Variants in DNAH5 observed in about 807,000 individuals in gnomAD.
The protein encoded by DNAH5 is dynein axonemal heavy chain 5.
DNAH5 carries 372 observed loss-of-function variants against 518.2 expected under a neutral mutation model. The ratio of observed to expected loss-of-function variants is 0.72; its 90% CI spans 0.66 to 0.78. The LOEUF (loss-of-function observed/expected upper bound fraction) is 0.78. Ranked by LOEUF, DNAH5 falls within the 30% of genes least tolerant of loss-of-function variation. The pLI is 0.00. For missense variants in DNAH5, 5,523 were observed against 5,687.0 expected, an observed-to-expected ratio of 0.97 and a Z score of 0.93; for synonymous variants, 2,039 against 2,025.9, an observed-to-expected ratio of 1.01 and a Z score of -0.17.
In DNAH5 at chr5:13,844,765, G is replaced by A. The variant is rs16902837; in HGVS notation, c.5271+72C>T. ...CAACCCTTGTTATAAACCCGTTTTCGAAGAGCTACTTAAAGACAGTTGAGG... is the reference window on the plus strand; with the variant it reads ...CAACCCTTGTTATAAACCCGTTTTCAAAGAGCTACTTAAAGACAGTTGAGG... On this transcript the variant is annotated intron_variant, in intron 32 of 78. Transcript: ENST00000265104. 0.18 allele frequency: 293,080 copies of A among 1,598,080 alleles called. 29,373 individuals carry two copies. Among genetic ancestry groups the A allele is most frequent in the East Asian group, 0.48 (21,365 of 44,778 alleles).
At chr5:14,005,036 C>T (rs958374249) in intron 1 of DNAH5, among the ~76,000 whole-genome samples, 10 of 152,224 alleles carry the variant, frequency 6.6e-5, no homozygotes, top group Non-Finnish European at 1.2e-4. Flanking sequence ...AGCACACGAG[C>T]CTCTTCATGG....
At chr5:13,865,976 G>T (rs1769187637) in intron 26 of DNAH5, 70 bp from the exon 27 acceptor site, 1 of 1,190,952 alleles carries the variant, frequency 8.4e-7, no homozygotes, top group Non-Finnish European at 1.2e-6. Flanking sequence ...GAAAATATAA[G>T]ATTTGCAAAC....
chr5:13,721,155 G>T lies in DNAH5; in HGVS notation c.12124C>A (p.Arg4042=). 2 of 1,614,086 alleles carry T rather than the reference G, an allele frequency of 1.2e-6. No homozygotes were observed. Among genetic ancestry groups the T allele is most frequent in the Non-Finnish European group, 1.7e-6 (2 of 1,179,996 alleles). Residue 4042 remains arginine (R), a synonymous_variant, in exon 71 of 79, where the codon CGG becomes AGG. Coordinates refer to ENST00000265104, the MANE Select transcript of DNAH5 (RefSeq NM_001369.3). ...LEKTWEESDP[R]TPLICLLSMG... is the part of the protein sequence containing the mutation. ...GACAGGAGACAGATGAGTGGCGTCC[G>T]TGGATCAGATTCCTCCCACGTCTTC...
chr5:13,819,167 ATAT>A (rs1285966845), intron 41 of DNAH5, among the ~76,000 whole-genome samples: 1 of 152,220 alleles, frequency 6.6e-6, no homozygotes, highest in East Asian at 1.9e-4. Flanking sequence ...TGCAACAAAA[ATAT>A]TATTGAGAAA....
rs121908853 is a variant in DNAH5 at position 13,901,476 on chromosome 5, G to A, written c.1828C>T (p.Gln610Ter). 14 of 1,613,900 alleles carry A rather than the reference G, an allele frequency of 8.7e-6. No individual in the cohort carries two copies. The highest frequency in any genetic ancestry group is 1.2e-5 in the Non-Finnish European group (14 of 1,179,984). ...IDMISKLYTK[Q>*]KYDPPLARNQ... ...CGAGCCAGAGGAGGATCGTATTTCT[G>A]CTTTGTATACAGCTTTGAAATCATA... Residue 610 changes from glutamine (Q) to a stop codon, truncating the protein, a stop_gained, in exon 14 of 79, where the codon CAG becomes TAG. Coordinates refer to ENST00000265104, the MANE Select transcript of DNAH5 (RefSeq NM_001369.3). LOFTEE classifies it high-confidence loss of function.
At chr5:13,862,841 C>CAG in intron 28 of DNAH5, 94 bp from the exon 29 acceptor site, 1 of 315,488 alleles carries the variant, frequency 3.2e-6, no homozygotes. Flanking sequence ...CTATTTGCTT[C>CAG]ATATATATAT....
Position 13,937,696 on chromosome 5 carries a change from T to C in DNAH5, c.58-6452A>G, listed in dbSNP as rs1028821179. On this transcript the variant is annotated intron_variant, in intron 1 of 78. Coordinates refer to ENST00000265104, the MANE Select transcript of DNAH5 (RefSeq NM_001369.3). ...TATTTGGTTGTTAAAGAAAAAAGTTTTTCTAGGTGACATGATTAGCTTTGT... is the reference window on the plus strand; with the variant it reads ...TATTTGGTTGTTAAAGAAAAAAGTTCTTCTAGGTGACATGATTAGCTTTGT... 4.7e-4 allele frequency among the ~76,000 whole-genome samples: 72 copies of C among 152,194 alleles called. 1 individual carries two copies. The highest frequency in any genetic ancestry group is 1.7e-3 in the African/African-American group (70 of 41,524).
At chr5:13,712,713 T>C (rs922432815) in intron 75 of DNAH5, among the ~76,000 whole-genome samples, 1 of 151,944 alleles carries the variant, frequency 6.6e-6, no homozygotes. Context: ...AACAAGCATA[T>C]GAAAAAAATG....
At chr5:13,917,297 A>G in intron 7 of DNAH5, 41 bp from the exon 8 acceptor site, 1 of 1,456,606 alleles carries the variant, frequency 6.9e-7, no homozygotes, top group Non-Finnish European at 9.6e-7. Context: ...GTAATTATTA[A>G]TAGAGGAACT....
chr5:13,718,512 G>A (rs1744606255), intron 72 of DNAH5, among the ~76,000 whole-genome samples: 1 of 152,198 alleles, frequency 6.6e-6, no homozygotes, highest in South Asian at 2.1e-4. Context: ...CTAATGAAAG[G>A]CAGGCAGGCA....
intron 1 of DNAH5, among the ~76,000 whole-genome samples, chr5:13,990,289 A>T (rs1783434390): frequency 6.6e-6 from 1 of 152,162 alleles, no homozygotes. Flanking sequence ...ACGGTGGCTC[A>T]TGCCTGTAAT....
In DNAH5 at chr5:13,913,842, G is replaced by T. The variant is rs750516422; in HGVS notation, c.1437C>A (p.Arg479=). The T allele has an allele frequency of 3.7e-6, 6 of 1,613,612 alleles. 1 individual carries two copies. In the South Asian group the frequency reaches 5.5e-5, roughly 15 times the overall value. ...IFGKFETFHR[R]LAKIIDIFTT... is the part of the protein sequence containing the mutation. Reference sequence around the variant, plus strand: ...TAAAGATGTCTATTATCTTGGCAAGGCGTCGGTGAAAAGTTTCGAATTTTC... The same window carrying T: ...TAAAGATGTCTATTATCTTGGCAAGTCGTCGGTGAAAAGTTTCGAATTTTC... The change falls in exon 11 of 79, where the codon CGC becomes CGA. Residue 479 remains arginine (R), a synonymous_variant. Transcript: ENST00000265104.
intron 1 of DNAH5, among the ~76,000 whole-genome samples, chr5:13,960,704 GC>G (rs779730384): frequency 2.6e-5 from 4 of 152,182 alleles, no homozygotes; most frequent in Admixed American, 2.0e-4. Context: ...CCAAGGCACA[GC>G]CCGGCTCCAT....
intron 70 of DNAH5, among the ~76,000 whole-genome samples, chr5:13,723,042 T>TA (rs1294409141): frequency 1.3e-5 from 2 of 152,204 alleles, no homozygotes; most frequent in Non-Finnish European, 2.9e-5. Context: ...CCTTCCTCTC[T>TA]ATTAGTTCAG....
At chr5:13,793,482 C>T in intron 49 of DNAH5, 33 bp downstream of exon 49, 3 of 1,579,870 alleles carry the variant, frequency 1.9e-6, no homozygotes, top group African/African-American at 1.3e-5. Flanking sequence ...TGTTCTTCCT[C>T]ACCCTCCCAC....
rs13188127 is a variant in DNAH5, at chr5:13,778,600, G to A, written c.8952-1245C>T. ...AAAGAAAGAAAGAAAGAAAGAAAGA[G>A]AGAGAGAAAGAAAAAGAAAGAAAGA... On this transcript the variant is annotated intron_variant, in intron 53 of 78. Coordinates refer to ENST00000265104, the MANE Select transcript of DNAH5 (RefSeq NM_001369.3). Among the ~76,000 whole-genome samples, 272 of 72,760 alleles carry A rather than the reference G, an allele frequency of 3.7e-3. 4 individuals carry two copies. Among genetic ancestry groups the A allele is most frequent in the African/African-American group, 8.5e-3 (174 of 20,406 alleles). 47.7% of individuals were successfully genotyped at this position (72,760 alleles called of 152,430 possible).
At chr5:13,794,187 C>A in intron 47 of DNAH5, 129 bp from the exon 48 acceptor site, 1 of 1,163,598 alleles carries the variant, frequency 8.6e-7, no homozygotes, top group Non-Finnish European at 1.2e-6. Context: ...CCAAATTTCC[C>A]CCTTAATTCT....
At chr5:13,872,464 TAG>T (rs1222760891) in intron 22 of DNAH5, among the ~76,000 whole-genome samples, 1 of 152,234 alleles carries the variant, frequency 6.6e-6, no homozygotes, top group Non-Finnish European at 1.5e-5. Flanking sequence ...ATAATCTTCA[TAG>T]AGACCCCAGA....
chr5:13,850,901 C>G (rs1337101613), intron 30 of DNAH5, 86 bp from the exon 31 acceptor site: 2 of 1,416,756 alleles, frequency 1.4e-6, no homozygotes, highest in East Asian at 4.6e-5. Flanking sequence ...CCAGCTGAGG[C>G]TAGAGCTTTA....
Sources: gnomAD v4.1 joint callset for allele counts (sites outside exome capture counted in the v4.1 genomes callset) on GRCh38, gnomAD v4.1.1 for gene constraint, MANE v1.5 for transcripts, NCBI Gene and HGNC (gene_info 2026-07-23, HGNC 2026-07-21) for gene names.